Variants in PDE11A observed in about 807,000 individuals in gnomAD.
PDE11A encodes the protein phosphodiesterase 11A.
Under a neutral mutation model 100.5 loss-of-function variants are expected in PDE11A, and 100 were observed. The observed-to-expected ratio is 1.00, with a 90% confidence interval of 0.85 to 1.18. PDE11A has a LOEUF of 1.18. Among genes scored for constraint, PDE11A ranks in the 50% most tolerant of loss-of-function variants. The probability of loss-of-function intolerance (pLI) is 0.00; values close to 1 mark genes in which losing one functional copy is unlikely to be tolerated. For synonymous variants in PDE11A, 381 were observed against 420.8 expected (o/e 0.91, Z 1.16); for missense variants, 1,141 against 1,152.6 (o/e 0.99, Z 0.15).
intron 2 of PDE11A, among the ~76,000 whole-genome samples, chr2:178,011,562 C>T (rs934012729): frequency 1.1e-4 from 17 of 152,160 alleles, no homozygotes; most frequent in Admixed American, 1.0e-3. Flanking sequence ...CCAGCTACCA[C>T]CTTTCAGCAA....
At chr2:177,660,260 G>A (rs947914976) in intron 19 of PDE11A, among the ~76,000 whole-genome samples, 1 of 151,650 alleles carries the variant, frequency 6.6e-6, no homozygotes, top group African/African-American at 2.4e-5. Flanking sequence ...TAAACATATG[G>A]ATATAAGCCT....
At chr2:177,766,490 T>TA (rs769909939) in intron 10 of PDE11A, among the ~76,000 whole-genome samples, 2 of 152,176 alleles carry the variant, frequency 1.3e-5, no homozygotes, top group Non-Finnish European at 2.9e-5. Context: ...TCATGTTTGT[T>TA]AAAAAAGTAC....
chr2:177,686,326 G>C lies in PDE11A; in HGVS notation c.2346-5423C>G, dbSNP rs143558276. Among the ~76,000 whole-genome samples, 29 of 152,308 alleles carry C rather than the reference G, an allele frequency of 1.9e-4. 1 individual carries two copies. In the East Asian group the frequency reaches 5.6e-3, roughly 29 times the overall value. On this transcript the variant is annotated intron_variant, in intron 15 of 19. Coordinates refer to ENST00000286063, the MANE Select transcript of PDE11A (RefSeq NM_016953.4). ...TCACGCCTGTAATCCCAGTGCTTTG[G>C]GGGGCCAAGGGAGGAGGATTGCTCA...
At chr2:177,684,427 C>T (rs1574041691) in intron 15 of PDE11A, among the ~76,000 whole-genome samples, 1 of 152,226 alleles carries the variant, frequency 6.6e-6, no homozygotes, top group Middle Eastern at 3.4e-3. Context: ...AAATGTAAAA[C>T]ATCCATAATG....
chr2:177,649,782 G>T (rs2080282297), intron 19 of PDE11A, among the ~76,000 whole-genome samples: 1 of 152,108 alleles, frequency 6.6e-6, no homozygotes, highest in South Asian at 2.1e-4. Context: ...TATGAGGGAG[G>T]ATCTCTTTTC....
intron 4 of PDE11A, among the ~76,000 whole-genome samples, chr2:177,879,272 A>G (rs1348753612): frequency 6.6e-6 from 1 of 152,258 alleles, no homozygotes; most frequent in East Asian, 1.9e-4. Flanking sequence ...TTAAAAAGCT[A>G]ATCTAGCAAT....
intron 6 of PDE11A, among the ~76,000 whole-genome samples, chr2:177,832,244 T>C (rs1389961299): frequency 1.3e-5 from 2 of 152,122 alleles, no homozygotes; most frequent in Admixed American, 1.3e-4. Flanking sequence ...TCTGTAAGGG[T>C]GTTACCAAAG....
intron 1 of PDE11A, among the ~76,000 whole-genome samples, chr2:178,034,069 G>C (rs758244954): frequency 6.6e-6 from 1 of 152,002 alleles, no homozygotes; most frequent in South Asian, 2.1e-4. Context: ...ATGTAAATAG[G>C]CTAAATGCCC....
chr2:177,866,982 G>C (rs1406938261), intron 5 of PDE11A, among the ~76,000 whole-genome samples: 2 of 152,196 alleles, frequency 1.3e-5, no homozygotes, highest in African/African-American at 4.8e-5. Context: ...CATGACAGCA[G>C]ATGTTTTAGT....
intron 2 of PDE11A, among the ~76,000 whole-genome samples, chr2:177,923,151 T>A (rs1559008430): frequency 6.6e-6 from 1 of 151,586 alleles, no homozygotes; most frequent in South Asian, 2.1e-4. Context: ...TAAATATTTT[T>A]AATTTATTAA....
At chr2:177,675,574 C>T in intron 16 of PDE11A, 56 bp from the exon 17 acceptor site, 1 of 1,270,126 alleles carries the variant, frequency 7.9e-7, no homozygotes, top group Non-Finnish European at 1.1e-6. Flanking sequence ...CATTCCTAAA[C>T]AAACCCGTCC....
intron 2 of PDE11A, among the ~76,000 whole-genome samples, chr2:178,101,012 T>C (rs2087553125): frequency 6.6e-6 from 1 of 152,226 alleles, no homozygotes; most frequent in Non-Finnish European, 1.5e-5. Flanking sequence ...ATCTATTCAG[T>C]AGTCTATCAA....
At chr2:178,024,631 T>C (rs1302099468) in intron 1 of PDE11A, among the ~76,000 whole-genome samples, 1 of 152,214 alleles carries the variant, frequency 6.6e-6, no homozygotes, top group Non-Finnish European at 1.5e-5. Context: ...ATATTTCATC[T>C]ACATCCTGTT....
At chr2:177,666,719 A>G (rs568019395) in intron 18 of PDE11A, among the ~76,000 whole-genome samples, 14 of 117,062 alleles carry the variant, frequency 1.2e-4, no homozygotes, top group African/African-American at 3.8e-4. Flanking sequence ...GTCTGTTCAG[A>G]TCCTTTGCCT....
At chr2:177,850,888 A>G (rs1328960492) in intron 5 of PDE11A, among the ~76,000 whole-genome samples, 5 of 152,142 alleles carry the variant, frequency 3.3e-5, no homozygotes, top group Non-Finnish European at 5.9e-5. Flanking sequence ...AGGAAACAAC[A>G]GGTGCTGGAA....
At chr2:177,721,782 AAGAC>A (rs1476843971) in intron 12 of PDE11A, among the ~76,000 whole-genome samples, 3 of 152,186 alleles carry the variant, frequency 2.0e-5, no homozygotes, top group Non-Finnish European at 2.9e-5. Flanking sequence ...ATTGTGTAGA[AAGAC>A]AGATCTCTCA....
At chr2:178,066,350 C>G (rs954159207) in intron 1 of PDE11A, among the ~76,000 whole-genome samples, 1 of 152,122 alleles carries the variant, frequency 6.6e-6, no homozygotes, top group Non-Finnish European at 1.5e-5. Context: ...ATGAAAGACC[C>G]CTGCTTGAGG....
chr2:177,631,558 TATATATATATAC>T (rs2079940325), intron 19 of PDE11A, among the ~76,000 whole-genome samples: 3 of 37,366 alleles, frequency 8.0e-5, no homozygotes, highest in African/African-American at 3.0e-4. Flanking sequence ...CACATGTATA[TATATATATATAC>T]ATGTATATAT....
chr2:177,628,837 T>C lies in PDE11A; in HGVS notation c.*570A>G, dbSNP rs2079873823. On this transcript the variant is annotated 3_prime_UTR_variant, in exon 20 of 20. Transcript: ENST00000286063. ...TAGGGGGAGAACTGGGATTGATCAG[T>C]ATTTATAAGGATAGTATAGTTTACC... is the stretch of plus-strand genomic sequence containing the variant. The C allele has an allele frequency of 6.2e-6, 1 of 162,248 alleles. No individual in the cohort carries two copies. Among genetic ancestry groups the C allele is most frequent in the Non-Finnish European group, 1.4e-5 (1 of 73,586 alleles). The allele number at this position is 162,248 out of a possible 1,614,324, so 10.1% of individuals were successfully genotyped here.
Sources: gnomAD v4.1 joint callset for allele counts (sites outside exome capture counted in the v4.1 genomes callset) on GRCh38, gnomAD v4.1.1 for gene constraint, MANE v1.5 for transcripts, NCBI Gene and HGNC (gene_info 2026-07-23, HGNC 2026-07-21) for gene names.